Variants in NLRP2 observed in about 807,000 individuals in gnomAD.
The protein encoded by NLRP2 is NACHT, LRR and PYD domains-containing protein 2.
NLRP2 carries 107 observed loss-of-function variants against 97.2 expected under a neutral mutation model. That is an observed-to-expected ratio of 1.10 (90% CI 0.94 to 1.29). NLRP2 has a LOEUF of 1.29. Ranked by LOEUF, NLRP2 falls within the 50% of genes most tolerant of loss-of-function variation. The pLI is 0.00. For synonymous variants in NLRP2, 663 were observed against 551.5 expected, an observed-to-expected ratio of 1.20 and a Z score of -2.83; for missense variants, 1,495 against 1,330.3, an observed-to-expected ratio of 1.12 and a Z score of -1.93.
intron 2 of NLRP2, among the ~76,000 whole-genome samples, chr19:54,971,212 A>C (rs1278624567): frequency 6.6e-6 from 1 of 151,110 alleles, no homozygotes; most frequent in African/African-American, 2.4e-5. Context: ...TTCTTAATCC[A>C]GTCTATCATT....
At chr19:54,992,731 T>C (rs34679212) in intron 10 of NLRP2, among the ~76,000 whole-genome samples, 2 of 150,858 alleles carry the variant, frequency 1.3e-5, no homozygotes, top group African/African-American at 4.9e-5. Context: ...GCTAACTTCT[T>C]TATTTTTAGT....
chr19:54,982,777 T>C lies in NLRP2; in HGVS notation c.1079T>C (p.Leu360Pro). 2.5e-6 allele frequency: 4 copies of C among 1,614,134 alleles called. No individual in the cohort carries two copies. Among genetic ancestry groups the C allele is most frequent in the South Asian group, 1.1e-5 (1 of 91,086 alleles). The change falls in exon 6 of 13, where the codon CTG (leucine) becomes CCG (proline). Residue 360 changes from leucine to proline, a missense_variant. Physicochemically the swap from Leu to Pro is moderately conservative, Grantham distance 98 (BLOSUM62 -3). Coordinates refer to ENST00000448584, the MANE Select transcript of NLRP2 (RefSeq NM_017852.5). ...ATCTACATAAGGGTGGAGGGCTTCCTGGAGGAGGACAGGAGGGCCTATTTC... is the reference window on the plus strand; with the variant it reads ...ATCTACATAAGGGTGGAGGGCTTCCCGGAGGAGGACAGGAGGGCCTATTTC... ...EPIYIRVEGF[L>P]EEDRRAYFLR...
At chr19:54,989,477 A>G (rs2072315617) in intron 8 of NLRP2, 1 of 174,874 alleles carries the variant, frequency 5.7e-6, no homozygotes, top group African/African-American at 2.4e-5. Flanking sequence ...CTCCCTTTCA[A>G]AAAACCAAAC....
At chr19:54,988,285 G>A (rs1477046049) in intron 8 of NLRP2, among the ~76,000 whole-genome samples, 2 of 151,958 alleles carry the variant, frequency 1.3e-5, no homozygotes, top group Non-Finnish European at 2.9e-5. Context: ...AAAGATTTGG[G>A]TCACTAATTT....
chr19:54,974,094 G>T (rs765298339), intron 2 of NLRP2: 4 of 847,248 alleles, frequency 4.7e-6, no homozygotes, highest in Non-Finnish European at 5.8e-6. Context: ...GGTGGCTCAC[G>T]CCTGTAATCC....
intron 11 of NLRP2, among the ~76,000 whole-genome samples, chr19:54,995,170 C>T (rs2072736591): frequency 7.1e-6 from 1 of 140,818 alleles, no homozygotes; most frequent in African/African-American, 2.6e-5. Flanking sequence ...ATTAGCCGAG[C>T]ATAGTAGTGG....
chr19:54,976,829 T>TTTTTTTTTTGG, intron 3 of NLRP2: 1 of 420,340 alleles, frequency 2.4e-6, no homozygotes. Flanking sequence ...TTTTTTTTTT[T>TTTTTTTTTTGG]GATACGGAGT....
chr19:54,993,999 C>A, intron 10 of NLRP2: 1 of 550,828 alleles, frequency 1.8e-6, no homozygotes, highest in Non-Finnish European at 3.3e-6. Flanking sequence ...CCTGTGATTG[C>A]TGGACCTACC....
chr19:54,977,304 C>T (rs1021517442), intron 3 of NLRP2, among the ~76,000 whole-genome samples: 1 of 151,962 alleles, frequency 6.6e-6, no homozygotes, highest in Non-Finnish European at 1.5e-5. Flanking sequence ...TCCTGTAATC[C>T]CAGCTACTCC....
intron 11 of NLRP2, among the ~76,000 whole-genome samples, chr19:54,995,710 C>CAGG (rs1568538817): frequency 1.3e-5 from 2 of 152,074 alleles, no homozygotes; most frequent in African/African-American, 4.8e-5. Context: ...ATCAGATGCA[C>CAGG]TTGAACCTGG....
rs1266519261 is a variant in NLRP2 at position 54,981,692 on chromosome 19, A to G, written c.463+10A>G. 6.9e-7 allele frequency: 1 copy of G among 1,450,714 alleles called. No individual in the cohort carries two copies. The highest frequency in any genetic ancestry group is 9.7e-7 in the Non-Finnish European group (1 of 1,030,772). 89.9% of individuals were successfully genotyped at this position (1,450,714 alleles called of 1,614,324 possible). Reference sequence around the variant, plus strand: ...AAAGGAAAAAAGCCAGGTCTGTACCATATCTTCCTGCAGGGAGCTTGGGAT... The same window carrying G: ...AAAGGAAAAAAGCCAGGTCTGTACCGTATCTTCCTGCAGGGAGCTTGGGAT... On this transcript the variant is annotated intron_variant, in intron 5 of 12. Coordinates refer to ENST00000448584, the MANE Select transcript of NLRP2 (RefSeq NM_017852.5).
At chr19:54,974,446 A>T (rs1418933867) in intron 2 of NLRP2, 54 bp from the exon 3 acceptor site, 7 of 1,336,960 alleles carry the variant, frequency 5.2e-6, no homozygotes, top group Non-Finnish European at 6.5e-6. Flanking sequence ...TGAAGGCAAT[A>T]AAATCTTGAG....
At chr19:54,987,739 C>CA (rs146853071) in intron 8 of NLRP2, among the ~76,000 whole-genome samples, 2,630 of 120,196 alleles carry the variant, frequency 0.022, 52 homozygotes, top group African/African-American at 0.061. Flanking sequence ...GAGACTGTCT[C>CA]AAAAAAAAAA....
chr19:54,981,071 A>G (rs1278576813), intron 4 of NLRP2, among the ~76,000 whole-genome samples: 1 of 151,832 alleles, frequency 6.6e-6, no homozygotes, highest in African/African-American at 2.4e-5. Context: ...AGATTGCGCC[A>G]CTGCACTCCA....
chr19:54,990,833 A>C (rs547197222), intron 10 of NLRP2, 161 bp downstream of exon 10: 4 of 731,038 alleles, frequency 5.5e-6, no homozygotes, highest in African/African-American at 5.2e-5. Context: ...GGTAGGAAAA[A>C]AGTATAAGTA....
At chr19:54,971,839 C>G (rs1195247649) in intron 2 of NLRP2, among the ~76,000 whole-genome samples, 1 of 147,820 alleles carries the variant, frequency 6.8e-6, no homozygotes, top group Non-Finnish European at 1.5e-5. Flanking sequence ...GGTTATTTAA[C>G]TCTTCTTGAG....
chr19:55,000,369 C>T (rs1157521517), intron 12 of NLRP2, among the ~76,000 whole-genome samples: 2 of 140,686 alleles, frequency 1.4e-5, no homozygotes, highest in African/African-American at 5.2e-5. Context: ...CTCCGCCTCC[C>T]GGGTTCACAC....
rs1198771317 is a variant in NLRP2 at position 54,974,540 on chromosome 19, A to G, written c.321A>G (p.Ser107=). The change falls in exon 3 of 13, where the codon TCA becomes TCG. Residue 107 remains serine, a synonymous_variant. Transcript: ENST00000448584. ...LKSFNKRKPL[S]LGITRKERPP... Reference sequence around the variant, plus strand: ...CCTTTAATAAAAGGAAGCCTCTATCATTAGGTAAGTTACCTCATTTATAAC... The same window carrying G: ...CCTTTAATAAAAGGAAGCCTCTATCGTTAGGTAAGTTACCTCATTTATAAC... 2.5e-6 allele frequency: 4 copies of G among 1,595,542 alleles called. No individual in the cohort carries two copies. The highest frequency in any genetic ancestry group is 3.3e-5 in the Admixed American group (2 of 59,918).
At chr19:54,993,837 CTTT>C (rs1294869578) in intron 10 of NLRP2, 5 of 291,222 alleles carry the variant, frequency 1.7e-5, no homozygotes, top group Admixed American at 4.8e-5. Context: ...GCTGAGAATC[CTTT>C]TTACTTCTCC....
Sources: allele counts gnomAD v4.1 joint callset (sites outside exome capture counted in the v4.1 genomes callset), GRCh38; gene constraint gnomAD v4.1.1; transcripts MANE v1.5; gene names NCBI Gene and HGNC (gene_info 2026-07-23, HGNC 2026-07-21).